IRGM: variants seen among roughly 807,000 people sequenced by gnomAD.
IRGM encodes immunity-related GTPase family M protein.
For missense variants in IRGM, 288 were observed against 219.9 expected (o/e 1.31, Z -1.96); for synonymous variants, 98 against 80.6 (o/e 1.22, Z -1.16).
chr5:150,902,226 A>G (rs1039686730), downstream of IRGM, among the ~76,000 whole-genome samples: 1 of 152,202 alleles, frequency 6.6e-6, no homozygotes, highest in African/African-American at 2.4e-5. Flanking sequence ...CAAAGAAGGA[A>G]CAGCCTTGAA....
intron 1 of IRGM, among the ~76,000 whole-genome samples, chr5:150,869,120 T>A (rs528827137): frequency 6.6e-6 from 1 of 152,334 alleles, no homozygotes; most frequent in Non-Finnish European, 1.5e-5. Context: ...GGCTGTGGGT[T>A]TCTCATAGAT....
downstream of IRGM, among the ~76,000 whole-genome samples, chr5:150,850,552 A>G (rs147943637): frequency 6.2e-3 from 943 of 152,222 alleles, 7 homozygotes; most frequent in African/African-American, 0.021. Flanking sequence ...GAGTGGGAAG[A>G]CATATTATTA....
At chr5:150,867,642 A>ATTT (rs56779347) in intron 1 of IRGM, among the ~76,000 whole-genome samples, 31 of 149,686 alleles carry the variant, frequency 2.1e-4, no homozygotes, top group Middle Eastern at 3.4e-3. Context: ...GCCAACATCT[A>ATTT]TTTTTTTTTT....
intron 2 of IRGM, among the ~76,000 whole-genome samples, chr5:150,878,564 T>A (rs1754399891): frequency 6.6e-6 from 1 of 152,142 alleles, no homozygotes; most frequent in South Asian, 2.1e-4. Flanking sequence ...GTTTACTTTT[T>A]GAGCTCATCA....
chr5:150,884,116 A>G (rs948766398), intron 3 of IRGM, among the ~76,000 whole-genome samples: 1 of 152,114 alleles, frequency 6.6e-6, no homozygotes, highest in Non-Finnish European at 1.5e-5. Context: ...AATGTGATAT[A>G]TCACATTAAC....
rs1211379623 is a variant in IRGM, at chr5:150,846,614, C to G, written c.-1022C>G. On this transcript the variant is annotated 5_prime_UTR_variant, in exon 1 of 2. Coordinates refer to ENST00000522154, the MANE Select transcript of IRGM (RefSeq NM_001145805.2). ...CTGCTGCTCATTCTTTGGGTCCACA[C>G]TGCCTTTATGAGCTGTAACACTCAC... 4 of 139,200 alleles carry G rather than the reference C, an allele frequency of 2.9e-5. No homozygotes were observed. Among genetic ancestry groups the G allele is most frequent in the Non-Finnish European group, 4.5e-5 (3 of 66,432 alleles). The allele number at this position is 139,200 out of a possible 1,614,324, so 8.6% of individuals were successfully genotyped here.
At position 150,873,307 on chromosome 5, in the gene IRGM, C is replaced by T. The variant is rs532543480; in HGVS notation, c.159-4673C>T. Among the ~76,000 whole-genome samples the T allele has an allele frequency of 2.6e-5, 4 of 152,274 alleles. No homozygotes were observed. The South Asian group carries it at 8.3e-4, about 32-fold the overall frequency. The stretch of plus-strand genomic sequence containing the variant: ...GAATTATATAAACAGAATCACAGCC[C>T]CTCAATCAATTTCCAGACTTGAACC... On this transcript the variant is annotated intron_variant and NMD_transcript_variant, in intron 1 of 3. Transcript: ENST00000520549.
intron 1 of IRGM, among the ~76,000 whole-genome samples, chr5:150,862,561 T>C (rs1474644296): frequency 1.3e-5 from 2 of 152,230 alleles, no homozygotes; most frequent in African/African-American, 4.8e-5. Context: ...TTTAAGAAGA[T>C]TTAAGAATTG....
intron 1 of IRGM, among the ~76,000 whole-genome samples, chr5:150,871,985 C>A (rs1446279724): frequency 1.3e-5 from 2 of 152,154 alleles, no homozygotes; most frequent in African/African-American, 4.8e-5. Flanking sequence ...TTTGATTTGA[C>A]ATTCATTTTT....
chr5:150,851,296 T>G (rs529353878), downstream of IRGM, among the ~76,000 whole-genome samples: 9 of 152,216 alleles, frequency 5.9e-5, no homozygotes, highest in South Asian at 1.9e-3. Flanking sequence ...CTGTAGGGTG[T>G]TGCATGCACT....
In IRGM at chr5:150,847,943, A is replaced by G. The variant is rs1753899763; in HGVS notation, c.-181A>G. Reference sequence around the variant, plus strand: ...TCAGCCTCCTGTATTAGCTGGGACTACAGGCGCACACCACCACGCGCAGCT... The same window carrying G: ...TCAGCCTCCTGTATTAGCTGGGACTGCAGGCGCACACCACCACGCGCAGCT... On this transcript the variant is annotated 5_prime_UTR_variant, in exon 2 of 2. Coordinates refer to ENST00000522154, the MANE Select transcript of IRGM (RefSeq NM_001145805.2). 10 of 573,122 alleles carry G rather than the reference A, an allele frequency of 1.7e-5. No individual in the cohort carries two copies. The highest frequency in any genetic ancestry group is 3.1e-5 in the Non-Finnish European group (10 of 322,774). The allele number at this position is 573,122 out of a possible 1,614,324, so 35.5% of individuals were successfully genotyped here.
rs752223498 is a variant in IRGM at position 150,848,303 on chromosome 5, T to G, written c.180T>G (p.Gly60=). Residue 60 remains glycine (G), a synonymous_variant, in exon 2 of 2, where the codon GGT becomes GGG. Coordinates refer to ENST00000522154, the MANE Select transcript of IRGM (RefSeq NM_001145805.2). The part of the protein sequence containing the change: ...ISALRNTGHE[G]KASPPTELVK... ...CCCTTCGAAACACAGGACATGAGGG[T>G]AAGGCCTCACCTCCTACTGAGCTGG... 5.2e-6 allele frequency: 8 copies of G among 1,551,586 alleles called. No homozygotes were observed. In the South Asian group the frequency reaches 9.5e-5, roughly 18 times the overall value.
At chr5:150,856,087 G>A (rs1344729278) in intron 1 of IRGM, among the ~76,000 whole-genome samples, 1 of 151,882 alleles carries the variant, frequency 6.6e-6, no homozygotes, top group East Asian at 1.9e-4. Context: ...TATTTTAAAA[G>A]TATGTATATA....
chr5:150,877,844 G>A, intron 1 of IRGM: 1 of 370,648 alleles, frequency 2.7e-6, no homozygotes, highest in East Asian at 7.5e-5. Context: ...TAACCACTAG[G>A]TGTTTTAGTT....
At chr5:150,877,402 C>CTCA (rs1754380324) in intron 1 of IRGM, among the ~76,000 whole-genome samples, 1 of 152,136 alleles carries the variant, frequency 6.6e-6, no homozygotes, top group African/African-American at 2.4e-5. Flanking sequence ...ACATCTTTCC[C>CTCA]TCATGCTGAA....
intron 1 of IRGM, among the ~76,000 whole-genome samples, chr5:150,854,855 G>A (rs910744547): frequency 1.3e-5 from 2 of 151,876 alleles, no homozygotes; most frequent in Non-Finnish European, 2.9e-5. Flanking sequence ...GGAAGCTTTT[G>A]GCTATTACTT....
At chr5:150,858,019 G>C (rs1175644006) in intron 1 of IRGM, among the ~76,000 whole-genome samples, 2 of 152,144 alleles carry the variant, frequency 1.3e-5, no homozygotes, top group African/African-American at 2.4e-5. Context: ...GTCCTGAATG[G>C]TATTGCCTAG....
intron 3 of IRGM, among the ~76,000 whole-genome samples, chr5:150,899,593 C>T (rs745307271): frequency 8.6e-5 from 13 of 151,458 alleles, no homozygotes; most frequent in Non-Finnish European, 1.3e-4. Flanking sequence ...ACAGTAGCAA[C>T]AAAAAATAAG....
intron 3 of IRGM, among the ~76,000 whole-genome samples, chr5:150,880,128 G>T (rs1322361580): frequency 6.6e-6 from 1 of 152,162 alleles, no homozygotes; most frequent in Non-Finnish European, 1.5e-5. Flanking sequence ...AGTTTTGTAT[G>T]ACTTCACTGT....
Sources: allele counts gnomAD v4.1 joint callset (sites outside exome capture counted in the v4.1 genomes callset), GRCh38; gene constraint gnomAD v4.1.1; transcripts MANE v1.5; gene names NCBI Gene and HGNC (gene_info 2026-07-23, HGNC 2026-07-21).